Variants in CTSC observed in about 807,000 individuals in gnomAD.
The protein encoded by CTSC is dipeptidyl peptidase 1.
CTSC carries 37 observed loss-of-function variants against 40.9 expected under a neutral mutation model. The observed-to-expected ratio is 0.91, with a 90% CI of 0.70 to 1.19. The LOEUF is 1.19. Ranked by LOEUF, CTSC falls within the 50% of genes most tolerant of loss-of-function variation. CTSC has a pLI of 0.00. For synonymous variants in CTSC, 232 were observed against 207.4 expected (o/e 1.12, Z -1.02); for missense variants, 594 against 567.3 (o/e 1.05, Z -0.48).
At chr11:88,316,387 A>C (rs1196532273) in intron 2 of CTSC, among the ~76,000 whole-genome samples, 3 of 151,938 alleles carry the variant, frequency 2.0e-5, no homozygotes, top group Non-Finnish European at 4.4e-5. Flanking sequence ...GGTTGGGGGA[A>C]TCACTTGAGG....
chr11:88,311,945 T>C (rs1219927444), intron 3 of CTSC, among the ~76,000 whole-genome samples: 2 of 152,206 alleles, frequency 1.3e-5, no homozygotes, highest in Non-Finnish European at 2.9e-5. Flanking sequence ...GGTACTTTGT[T>C]ATGGCAGCCC....
At chr11:88,300,281 T>C (rs998435807) in intron 5 of CTSC, among the ~76,000 whole-genome samples, 14 of 152,232 alleles carry the variant, frequency 9.2e-5, no homozygotes, top group Admixed American at 3.3e-4. Flanking sequence ...TGATTGTCAC[T>C]AGCTACCTGG....
At chr11:88,308,511 T>C (rs1283914017) in intron 4 of CTSC, among the ~76,000 whole-genome samples, 2 of 151,254 alleles carry the variant, frequency 1.3e-5, no homozygotes, top group African/African-American at 2.4e-5. Flanking sequence ...CCTTATCTTA[T>C]TTTATTTTAT....
chr11:88,326,204 G>A (rs1938180417), intron 2 of CTSC: 1 of 1,370,898 alleles, frequency 7.3e-7, no homozygotes, highest in Admixed American at 3.0e-5. Flanking sequence ...ATTCCAAAAT[G>A]ATGTTTACTG....
intron 2 of CTSC, chr11:88,322,701 C>T (rs1309222694): frequency 6.6e-6 from 1 of 152,156 alleles, no homozygotes; most frequent in African/African-American, 2.4e-5. Flanking sequence ...TGCATACACA[C>T]TCCCAAGACT....
chr11:88,314,442 A>G (rs1236093228), intron 2 of CTSC, among the ~76,000 whole-genome samples: 2 of 152,188 alleles, frequency 1.3e-5, no homozygotes, highest in South Asian at 2.1e-4. Context: ...AATTGTGGGA[A>G]TCACCACTCA....
At chr11:88,297,158 T>G (rs1944307661) in intron 5 of CTSC, 1 of 152,232 alleles carries the variant, frequency 6.6e-6, no homozygotes, top group Non-Finnish European at 1.5e-5. Flanking sequence ...TATGGGTCTG[T>G]GTCTACTTTA....
chr11:88,315,001 G>A (rs1211346386), intron 2 of CTSC, among the ~76,000 whole-genome samples: 1 of 152,196 alleles, frequency 6.6e-6, no homozygotes, highest in Non-Finnish European at 1.5e-5. Context: ...GGTGTGTTGT[G>A]TGAAAAGGTT....
In CTSC at chr11:88,330,173, T is replaced by C. The variant is rs146819151; in HGVS notation, c.318+4764A>G. On this transcript the variant is annotated intron_variant, in intron 2 of 6. Transcript: ENST00000227266. ...CCAGTGTTTTAAAGGAAATTTGAAT[T>C]TGAATGCCTCTAAGACTGTTTCCAT... 7.2e-5 allele frequency among the ~76,000 whole-genome samples: 11 copies of C among 152,306 alleles called. No individual in the cohort carries two copies. In the East Asian group the frequency reaches 2.1e-3, roughly 29 times the overall value.
At chr11:88,334,831 G>A (rs984998830) in intron 2 of CTSC, 106 bp downstream of exon 2, 39 of 836,250 alleles carry the variant, frequency 4.7e-5, no homozygotes, top group African/African-American at 3.0e-4. Flanking sequence ...TGTCAATTCC[G>A]GTCATCTTCT....
chr11:88,333,544 A>G (rs528726767), intron 2 of CTSC, among the ~76,000 whole-genome samples: 81 of 152,266 alleles, frequency 5.3e-4, no homozygotes, highest in Non-Finnish European at 8.1e-4. Flanking sequence ...CTGAAGTCAA[A>G]GAACCTTTGA....
chr11:88,296,125 A>G lies in CTSC; in HGVS notation c.889+8T>C, dbSNP rs2134765732. 1 of 1,613,740 alleles carries G rather than the reference A, an allele frequency of 6.2e-7. No homozygotes were observed. Among genetic ancestry groups the G allele is most frequent in the South Asian group, 1.1e-5 (1 of 91,078 alleles). On this transcript the variant is annotated splice_region_variant and intron_variant, in intron 6 of 6. Transcript: ENST00000227266. ...GCTCATAAATGGTGTCTGAAATGCA[A>G]CACTTACCTTGAGCATACTGGCTAC...
chr11:88,335,087 A>AT lies in CTSC; in HGVS notation c.173-6_173-5insA. 109 of 1,576,922 alleles carry AT rather than the reference A, an allele frequency of 6.9e-5. No homozygotes were observed. The highest frequency in any genetic ancestry group is 8.7e-5 in the Non-Finnish European group (100 of 1,152,166). On this transcript the variant is annotated splice_polypyrimidine_tract_variant and splice_region_variant and intron_variant, in intron 1 of 6. Coordinates refer to ENST00000227266, the MANE Select transcript of CTSC (RefSeq NM_001814.6). ...CTACTTTTTTTTCTTGTGGTCCTAA[A>AT]GAAAAAAAAAAAAAGCACAATAAAG...
At chr11:88,323,113 A>G (rs1037395764) in intron 2 of CTSC, 1 of 152,230 alleles carries the variant, frequency 6.6e-6, no homozygotes, top group Admixed American at 6.5e-5. Context: ...AGGCCGGTTC[A>G]ACATATGCAA....
intron 2 of CTSC, among the ~76,000 whole-genome samples, 166 bp from the exon 3 acceptor site, chr11:88,312,720 T>A (rs941438746): frequency 2.0e-5 from 3 of 152,138 alleles, no homozygotes; most frequent in Non-Finnish European, 4.4e-5. Flanking sequence ...CATACAAACT[T>A]TTCTGTGGTT....
At chr11:88,327,248 C>A (rs1938217985) in intron 2 of CTSC, among the ~76,000 whole-genome samples, 1 of 152,184 alleles carries the variant, frequency 6.6e-6, no homozygotes, top group South Asian at 2.1e-4. Flanking sequence ...TCCTACCTGG[C>A]AGATGTGTGG....
At chr11:88,312,596 C>T (rs1325459785) in intron 2 of CTSC, 42 bp from the exon 3 acceptor site, 11 of 1,610,980 alleles carry the variant, frequency 6.8e-6, no homozygotes, top group South Asian at 3.3e-5. Flanking sequence ...TAAAATCTGT[C>T]TTCAAATTTC....
At chr11:88,315,199 G>A (rs1937847887) in intron 2 of CTSC, among the ~76,000 whole-genome samples, 1 of 152,048 alleles carries the variant, frequency 6.6e-6, no homozygotes, top group African/African-American at 2.4e-5. Flanking sequence ...GCCAGGTAGG[G>A]TTAGGCCGAT....
intron 3 of CTSC, among the ~76,000 whole-genome samples, chr11:88,311,836 T>C (rs994849370): frequency 1.3e-5 from 2 of 152,088 alleles, no homozygotes; most frequent in African/African-American, 4.8e-5. Flanking sequence ...AGCCAAGGAG[T>C]GTGGCCTTGG....
Sources: allele counts gnomAD v4.1 joint callset (sites outside exome capture counted in the v4.1 genomes callset), GRCh38; gene constraint gnomAD v4.1.1; transcripts MANE v1.5; gene names NCBI Gene and HGNC (gene_info 2026-07-23, HGNC 2026-07-21).